The following HIF1A variants were observed in gnomAD, a reference collection of about 807,000 sequenced individuals.
HIF1A encodes the protein hypoxia inducible factor 1 subunit alpha, also known as hypoxia-inducible factor 1-alpha.
A neutral mutation model predicts 92.7 loss-of-function variants in HIF1A; 24 were observed. The ratio of observed to expected loss-of-function variants is 0.26; its 90% confidence interval spans 0.19 to 0.36. HIF1A has a LOEUF of 0.36. Among genes scored for constraint, HIF1A ranks in the 10% least tolerant of loss-of-function variants. HIF1A has a pLI of 1.00. For missense variants in HIF1A, 799 were observed against 998.5 expected (o/e 0.80, Z 2.69); for synonymous variants, 319 against 338.7 (o/e 0.94, Z 0.64).
rs7152775 is a variant in HIF1A at position 61,741,493 on chromosome 14, G to A, written c.2093+305G>A. On this transcript the variant is annotated intron_variant, in intron 12 of 14. Coordinates refer to ENST00000337138, the MANE Select transcript of HIF1A (RefSeq NM_001530.4). Reference sequence around the variant, plus strand: ...AGATTCTCCTGCCTCAGCCTCCCGAGTAGCTGGGATTACAGGCATGCACCA... The same window carrying A: ...AGATTCTCCTGCCTCAGCCTCCCGAATAGCTGGGATTACAGGCATGCACCA... Among the ~76,000 whole-genome samples the A allele has an allele frequency of 8.9e-3, 1,354 of 151,614 alleles. 15 individuals carry two copies. The highest frequency in any genetic ancestry group is 0.03 in the African/African-American group (1,251 of 41,326).
At chr14:61,734,353 T>C in intron 8 of HIF1A, 68 bp downstream of exon 8, 2 of 1,051,526 alleles carry the variant, frequency 1.9e-6, no homozygotes, top group Non-Finnish European at 2.8e-6. Context: ...ACTCTGTTCA[T>C]TTATAGGAAG....
intron 1 of HIF1A, among the ~76,000 whole-genome samples, chr14:61,699,795 TAGAA>T (rs894442799): frequency 9.2e-5 from 14 of 152,292 alleles, no homozygotes; most frequent in Admixed American, 7.8e-4. Flanking sequence ...TCTGGAAGGT[TAGAA>T]AGAGAATTTG....
At chr14:61,732,756 A>T (rs942599113) in intron 7 of HIF1A, among the ~76,000 whole-genome samples, 1 of 152,252 alleles carries the variant, frequency 6.6e-6, no homozygotes, top group African/African-American at 2.4e-5. Context: ...AAATACAAAG[A>T]CTTTTGAAAA....
At chr14:61,697,832 ATT>A (rs113243889) in intron 1 of HIF1A, 2 of 1,407,940 alleles carry the variant, frequency 1.4e-6, no homozygotes, top group Non-Finnish European at 1.9e-6. Flanking sequence ...TCTTCAAGCA[ATT>A]TTTTTTTTCA....
At chr14:61,727,798 G>A (rs756202675) in intron 6 of HIF1A, 143 bp downstream of exon 6, 12 of 643,122 alleles carry the variant, frequency 1.9e-5, no homozygotes, top group East Asian at 5.7e-5. Flanking sequence ...TGAGGCAAGC[G>A]GGGGGTGGAT....
At chr14:61,745,217 G>T (rs1015149462) in intron 13 of HIF1A, among the ~76,000 whole-genome samples, 3 of 152,174 alleles carry the variant, frequency 2.0e-5, no homozygotes, top group Non-Finnish European at 4.4e-5. Flanking sequence ...GAGGTCAGGA[G>T]TTCGAGACCA....
chr14:61,704,373 A>G (rs931458782), intron 1 of HIF1A, among the ~76,000 whole-genome samples: 4 of 152,150 alleles, frequency 2.6e-5, no homozygotes. Context: ...TGCAGACTAA[A>G]TACTGGTTTA....
At chr14:61,700,005 C>T (rs1398148871) in intron 1 of HIF1A, among the ~76,000 whole-genome samples, 2 of 151,846 alleles carry the variant, frequency 1.3e-5, no homozygotes, top group African/African-American at 2.4e-5. Flanking sequence ...TTTATAAACC[C>T]TTATTTATTT....
chr14:61,739,872 GTAGCATC>G (rs1347767190), intron 10 of HIF1A, among the ~76,000 whole-genome samples: 3 of 152,076 alleles, frequency 2.0e-5, no homozygotes, highest in Non-Finnish European at 4.4e-5. Flanking sequence ...TCCAGTGAAT[GTAGCATC>G]TAGTTAATTG....
At chr14:61,738,449 C>A in intron 10 of HIF1A, 76 bp downstream of exon 10, 1 of 1,316,434 alleles carries the variant, frequency 7.6e-7, no homozygotes, top group Non-Finnish European at 1.0e-6. Flanking sequence ...AAGTTTGATT[C>A]AAACACTTAT....
intron 4 of HIF1A, among the ~76,000 whole-genome samples, chr14:61,722,783 AGAGT>A (rs984517678): frequency 5.9e-5 from 9 of 152,252 alleles, no homozygotes; most frequent in Non-Finnish European, 1.2e-4. Context: ...ACAAAAATAG[AGAGT>A]AAGACCTCTA....
intron 1 of HIF1A, among the ~76,000 whole-genome samples, chr14:61,708,715 T>A (rs2044273639): frequency 6.6e-6 from 1 of 152,292 alleles, no homozygotes; most frequent in South Asian, 2.1e-4. Flanking sequence ...ATCCTTGTAG[T>A]ATAGTTTGAA....
At chr14:61,727,305 A>C in intron 5 of HIF1A, 148 bp from the exon 6 acceptor site, 1 of 630,048 alleles carries the variant, frequency 1.6e-6, no homozygotes, top group Non-Finnish European at 2.8e-6. Context: ...AAAAATGTTC[A>C]TTGATTTTCA....
intron 1 of HIF1A, among the ~76,000 whole-genome samples, chr14:61,707,315 C>T (rs577176708): frequency 8.8e-5 from 13 of 147,908 alleles, no homozygotes; most frequent in African/African-American, 3.0e-4. Flanking sequence ...TTTTTTTTTT[C>T]TTTATTATAC....
chr14:61,729,319 G>A (rs1175014179), intron 6 of HIF1A, among the ~76,000 whole-genome samples: 1 of 152,028 alleles, frequency 6.6e-6, no homozygotes, highest in Non-Finnish European at 1.5e-5. Context: ...AAAATTAGCT[G>A]GGTATGGGGG....
intron 2 of HIF1A, 78 bp downstream of exon 2, chr14:61,720,650 G>A (rs2044415921): frequency 1.1e-6 from 1 of 948,340 alleles, no homozygotes; most frequent in Non-Finnish European, 1.5e-6. Context: ...TTAGAAGGTG[G>A]TCGCAATGTT....
chr14:61,727,311 T>G, intron 5 of HIF1A, 142 bp from the exon 6 acceptor site: 1 of 639,518 alleles, frequency 1.6e-6, no homozygotes, highest in Non-Finnish European at 2.7e-6. Flanking sequence ...GTTCATTGAT[T>G]TTCAAAAACG....
In HIF1A at chr14:61,727,527, A is replaced by C; in HGVS notation, c.645A>C (p.Pro215=). ...SNQPQCGYKK[P]PMTCLVLICE... ...AACCTCAGTGTGGGTATAAGAAACCACCTATGACCTGCTTGGTGCTGATTT... is the reference window on the plus strand; with the variant it reads ...AACCTCAGTGTGGGTATAAGAAACCCCCTATGACCTGCTTGGTGCTGATTT... The change falls in exon 6 of 15, where the codon CCA becomes CCC. Residue 215 remains proline, a synonymous_variant. Transcript: ENST00000337138. The C allele has an allele frequency of 6.2e-7, 1 of 1,613,874 alleles. No individual in the cohort carries two copies. Among genetic ancestry groups the C allele is most frequent in the East Asian group, 2.2e-5 (1 of 44,862 alleles).
At chr14:61,722,904 C>T (rs1424660714) in intron 4 of HIF1A, among the ~76,000 whole-genome samples, 2 of 152,134 alleles carry the variant, frequency 1.3e-5, no homozygotes. Flanking sequence ...TCTTGTTAAA[C>T]AGTGTATACT....
Sources: allele counts gnomAD v4.1 joint callset (sites outside exome capture counted in the v4.1 genomes callset), GRCh38; gene constraint gnomAD v4.1.1; transcripts MANE v1.5; gene names NCBI Gene and HGNC (gene_info 2026-07-23, HGNC 2026-07-21).